The following DNAH11 variants were observed in gnomAD, a reference collection of about 807,000 sequenced individuals.
The protein encoded by DNAH11 is axonemal beta dynein heavy chain 11.
A neutral mutation model predicts 526.0 loss-of-function variants in DNAH11; 442 were observed. The ratio of observed to expected loss-of-function variants is 0.84; its 90% confidence interval spans 0.78 to 0.91. DNAH11 has a LOEUF of 0.91. Among genes scored for constraint, DNAH11 ranks in the 40% least tolerant of loss-of-function variants. The pLI, the probability that DNAH11 is intolerant of heterozygous loss-of-function variation, is 0.00. For synonymous variants in DNAH11, 2,461 were observed against 1,935.9 expected (o/e 1.27, Z -7.12); for missense variants, 6,989 against 5,448.7 (o/e 1.28, Z -8.90).
At chr7:21,705,835 G>A (rs1029372570) in intron 39 of DNAH11, among the ~76,000 whole-genome samples, 10 of 152,124 alleles carry the variant, frequency 6.6e-5, no homozygotes, top group Non-Finnish European at 1.3e-4. Flanking sequence ...CAGGCATTTC[G>A]ATATACACCA....
At chr7:21,772,176 T>C (rs541624406) in intron 55 of DNAH11, among the ~76,000 whole-genome samples, 1 of 152,300 alleles carries the variant, frequency 6.6e-6, no homozygotes, top group East Asian at 1.9e-4. Context: ...AATAGTTATT[T>C]TGCCCCATTG....
At chr7:21,823,171 G>A (rs1428250722) in intron 65 of DNAH11, among the ~76,000 whole-genome samples, 1 of 151,668 alleles carries the variant, frequency 6.6e-6, no homozygotes, top group African/African-American at 2.4e-5. Flanking sequence ...TGTTCTTTTT[G>A]AGGTCTTATC....
At chr7:21,879,494 C>T (rs1417189510) in intron 74 of DNAH11, among the ~76,000 whole-genome samples, 1 of 151,888 alleles carries the variant, frequency 6.6e-6, no homozygotes, top group Non-Finnish European at 1.5e-5. Context: ...GGTCTAGACA[C>T]ATGTTTCCCA....
chr7:21,732,185 A>C (rs1343626043), intron 45 of DNAH11, among the ~76,000 whole-genome samples: 1 of 152,180 alleles, frequency 6.6e-6, no homozygotes, highest in Non-Finnish European at 1.5e-5. Context: ...GGAGGCTAGC[A>C]GTCCAAGTTC....
At chr7:21,886,064 C>G (rs945184285) in intron 76 of DNAH11, among the ~76,000 whole-genome samples, 2 of 152,164 alleles carry the variant, frequency 1.3e-5, no homozygotes, top group African/African-American at 4.8e-5. Flanking sequence ...CACCTGTACA[C>G]CATATCATGT....
chr7:21,749,217 A>G (rs911617410), intron 52 of DNAH11, among the ~76,000 whole-genome samples: 2 of 152,238 alleles, frequency 1.3e-5, no homozygotes, highest in Middle Eastern at 3.2e-3. Context: ...TTTAATAACA[A>G]TAGTACTTAC....
At chr7:21,748,866 G>C in intron 52 of DNAH11, 124 bp downstream of exon 52, 1 of 969,466 alleles carries the variant, frequency 1.0e-6, no homozygotes, top group Non-Finnish European at 1.5e-6. Flanking sequence ...CCACGGGAGA[G>C]CGGGAGCTCT....
intron 30 of DNAH11, among the ~76,000 whole-genome samples, chr7:21,675,368 T>A (rs745692273): frequency 2.0e-5 from 3 of 152,208 alleles, no homozygotes; most frequent in Non-Finnish European, 4.4e-5. Context: ...GCATAACGAC[T>A]GCCTCCCTGC....
rs545787882 is a variant in DNAH11 at position 21,606,570 on chromosome 7, A to G, written c.3765+28A>G. 4.2e-5 allele frequency: 66 copies of G among 1,587,162 alleles called. No individual in the cohort carries two copies. In the South Asian group the frequency reaches 5.4e-4, roughly 13 times the overall value. ...AAGCTAGTTACCAAGTTTTTGTTTT[A>G]AGAAAGGTTTTACTAGGATAATTGA... On this transcript the variant is annotated intron_variant, in intron 19 of 81. Coordinates refer to ENST00000409508, the MANE Select transcript of DNAH11 (RefSeq NM_001277115.2).
At chr7:21,781,605 C>T (rs1787943972) in intron 57 of DNAH11, among the ~76,000 whole-genome samples, 1 of 152,152 alleles carries the variant, frequency 6.6e-6, no homozygotes, top group African/African-American at 2.4e-5. Context: ...AGTTGAGCAT[C>T]AATCTTGATT....
intron 28 of DNAH11, among the ~76,000 whole-genome samples, chr7:21,653,383 A>G (rs1781869992): frequency 6.6e-6 from 1 of 152,218 alleles, no homozygotes; most frequent in African/African-American, 2.4e-5. Flanking sequence ...TCTAACGTCA[A>G]CTATGCCATG....
intron 40 of DNAH11, 53 bp downstream of exon 40, chr7:21,707,888 G>T (rs559456225): frequency 6.6e-7 from 1 of 1,509,488 alleles, no homozygotes; most frequent in African/African-American, 1.4e-5. Context: ...CCAGAAAGCC[G>T]TTTTTCAGTA....
chr7:21,543,423 C>T lies in DNAH11; in HGVS notation c.178C>T (p.Arg60Cys), dbSNP rs1256071786. 2 of 1,555,850 alleles carry T rather than the reference C, an allele frequency of 1.3e-6. No individual in the cohort carries two copies. Among genetic ancestry groups the T allele is most frequent in the Non-Finnish European group, 8.7e-7 (1 of 1,149,036 alleles). The change falls in exon 1 of 82, where the codon CGC (arginine) becomes TGC (cysteine). Residue 60 changes from arginine (R) to cysteine (C), a missense_variant. Physicochemically the swap from Arg to Cys is radical, Grantham distance 180 (BLOSUM62 -3). Coordinates refer to ENST00000409508, the MANE Select transcript of DNAH11 (RefSeq NM_001277115.2). The stretch of plus-strand genomic sequence containing the variant: ...GAGTTTCGCCCAAGACGCGCGGGTG[C>T]GCTTCCTCGGCGGCCGCCTGGCGAT... ...ARSFAQDARV[R>C]FLGGRLAMML...
At chr7:21,648,690 C>A (rs762616748) in intron 28 of DNAH11, among the ~76,000 whole-genome samples, 1 of 152,062 alleles carries the variant, frequency 6.6e-6, no homozygotes, top group Non-Finnish European at 1.5e-5. Context: ...TGTTATACTG[C>A]AAAGTTAATT....
intron 68 of DNAH11, among the ~76,000 whole-genome samples, chr7:21,860,097 C>T (rs1357072288): frequency 6.6e-6 from 1 of 152,032 alleles, no homozygotes; most frequent in East Asian, 1.9e-4. Flanking sequence ...TGCTTAGGAC[C>T]GGGAGGTTGA....
chr7:21,656,389 C>G (rs546134828), intron 29 of DNAH11, among the ~76,000 whole-genome samples: 72 of 152,214 alleles, frequency 4.7e-4, no homozygotes, highest in African/African-American at 1.7e-3. Flanking sequence ...TTTAAAGAGG[C>G]TTTGTGGTTC....
chr7:21,761,745 G>T (rs758658893), intron 54 of DNAH11, among the ~76,000 whole-genome samples: 2 of 152,126 alleles, frequency 1.3e-5, no homozygotes, highest in Non-Finnish European at 2.9e-5. Flanking sequence ...AGTGTTGTGA[G>T]GATCCTTATT....
intron 34 of DNAH11, among the ~76,000 whole-genome samples, chr7:21,688,323 T>G (rs1043374852): frequency 6.6e-6 from 1 of 152,214 alleles, no homozygotes; most frequent in African/African-American, 2.4e-5. Context: ...GCAAAGTACC[T>G]GGAAAAATGC....
At chr7:21,701,773 T>G (rs1253324138) in intron 36 of DNAH11, among the ~76,000 whole-genome samples, 1 of 152,224 alleles carries the variant, frequency 6.6e-6, no homozygotes, top group Non-Finnish European at 1.5e-5. Flanking sequence ...TTAATTCACT[T>G]TACTCCTACA....
Sources: allele counts gnomAD v4.1 joint callset (sites outside exome capture counted in the v4.1 genomes callset), GRCh38; gene constraint gnomAD v4.1.1; transcripts MANE v1.5; gene names NCBI Gene and HGNC (gene_info 2026-07-23, HGNC 2026-07-21).